LRP6: variants seen among roughly 807,000 people sequenced by gnomAD.
LRP6 encodes LDL receptor related protein 6.
LRP6 carries 43 observed loss-of-function variants against 184.1 expected under a neutral mutation model. The ratio of observed to expected loss-of-function variants is 0.23; its 90% confidence interval spans 0.18 to 0.30. The LOEUF (loss-of-function observed/expected upper bound fraction) is 0.30. Ranked by LOEUF, LRP6 falls within the 10% of genes least tolerant of loss-of-function variation. The probability of loss-of-function intolerance (pLI) is 1.00; values close to 1 mark genes in which losing one functional copy is unlikely to be tolerated. For synonymous variants in LRP6, 719 were observed against 684.9 expected, an observed-to-expected ratio of 1.05 and a Z score of -0.78; for missense variants, 1,571 against 2,005.3, an observed-to-expected ratio of 0.78 and a Z score of 4.14.
chr12:12,132,160 C>A (rs934727229), intron 17 of LRP6, 103 bp from the exon 18 acceptor site: 2 of 765,174 alleles, frequency 2.6e-6, no homozygotes, highest in Non-Finnish European at 4.8e-6. Flanking sequence ...TTAACATACA[C>A]AAAATACTTT....
chr12:12,179,401 T>TATAGATATAGAC (rs1863284556), intron 7 of LRP6, among the ~76,000 whole-genome samples: 1 of 143,170 alleles, frequency 7.0e-6, no homozygotes, highest in African/African-American at 2.8e-5. Flanking sequence ...TAGATATAGA[T>TATAGATATAGAC]ATAGATATAG....
rs1318842435 is a variant in LRP6, at chr12:12,186,972, G to C, written c.795C>G (p.Ile265Met). ...GEGLREIHSD[I>M]FSPMDIHAFS... is the part of the protein sequence containing the mutation. ...AGGCATGTATATCCATGGGAGAGAA[G>C]ATGTCAGAATGGATTTCACGCAGAC... The change falls in exon 4 of 23, where the codon ATC becomes ATG. Residue 265 changes from isoleucine (I) to methionine (M), a missense_variant. Physicochemically the swap from Ile to Met is conservative, Grantham distance 10. This residue lies in a region of LRP6 where 640 missense variants were observed against 851.9 expected (regional missense o/e 0.75). Transcript: ENST00000261349. The C allele has an allele frequency of 6.2e-7, 1 of 1,614,150 alleles. No homozygotes were observed. Among genetic ancestry groups the C allele is most frequent in the South Asian group, 1.1e-5 (1 of 91,078 alleles).
chr12:12,186,047 C>T (rs558736776), intron 4 of LRP6, among the ~76,000 whole-genome samples: 1 of 151,996 alleles, frequency 6.6e-6, no homozygotes, highest in Non-Finnish European at 1.5e-5. Flanking sequence ...GGGGTTTCAC[C>T]ATGTTGGCCA....
At position 12,266,972 on chromosome 12, in the gene LRP6, C is replaced by T. The variant is rs1208058035; in HGVS notation, c.-237G>A. 10 of 539,040 alleles carry T rather than the reference C, an allele frequency of 1.9e-5. No individual in the cohort carries two copies. Among genetic ancestry groups the T allele is most frequent in the Non-Finnish European group, 2.9e-5 (9 of 309,418 alleles). 33.4% of individuals were successfully genotyped at this position (539,040 alleles called of 1,614,324 possible). ...AGCGTCTGCTTCCATCCCGCCGCCT[C>T]CTCCCCCGGCGCCCCGCTTCCCCCG... On this transcript the variant is annotated 5_prime_UTR_variant, in exon 1 of 23. Coordinates refer to ENST00000261349, the MANE Select transcript of LRP6 (RefSeq NM_002336.3).
intron 5 of LRP6, 114 bp from the exon 6 acceptor site, chr12:12,181,553 C>A: frequency 1.4e-6 from 1 of 711,612 alleles, no homozygotes; most frequent in Non-Finnish European, 2.5e-6. Flanking sequence ...TAAATTAACA[C>A]AAAAGGATGT....
chr12:12,232,479 G>C (rs1008405538), intron 2 of LRP6, among the ~76,000 whole-genome samples: 1 of 150,738 alleles, frequency 6.6e-6, no homozygotes, highest in Non-Finnish European at 1.5e-5. Context: ...ATGCCCCCAA[G>C]TCATTCAGAA....
intron 17 of LRP6, 26 bp downstream of exon 17, chr12:12,135,149 G>A: frequency 1.2e-6 from 2 of 1,613,450 alleles, no homozygotes; most frequent in Middle Eastern, 1.7e-4. Flanking sequence ...ATTTAGGGTT[G>A]CACAAGAAAA....
At position 12,184,111 on chromosome 12, in the gene LRP6, G is replaced by C. The variant is rs779023698; in HGVS notation, c.845C>G (p.Ala282Gly). The change falls in exon 5 of 23, where the codon GCC becomes GGC. Residue 282 changes from alanine to glycine, a missense_variant and splice_region_variant. Physicochemically the swap from Ala to Gly is moderately conservative, Grantham distance 60. Transcript: ENST00000261349. ...ATTGTCAATTCCACATGGATTTGTG[G>C]CTGTCAAATATAAATCACATTGATT... ...HAFSQQRQPN[A>G]TNPCGIDNGG... 1 of 1,612,710 alleles carries C rather than the reference G, an allele frequency of 6.2e-7. No individual in the cohort carries two copies. Among genetic ancestry groups the C allele is most frequent in the Admixed American group, 1.7e-5 (1 of 60,022 alleles).
At chr12:12,230,011 T>C (rs1241613686) in intron 2 of LRP6, among the ~76,000 whole-genome samples, 1 of 152,228 alleles carries the variant, frequency 6.6e-6, no homozygotes, top group Non-Finnish European at 1.5e-5. Flanking sequence ...CAGGCTGTTA[T>C]ATGCTGTTCA....
intron 2 of LRP6, among the ~76,000 whole-genome samples, chr12:12,224,290 A>G (rs1591963361): frequency 6.6e-6 from 1 of 152,180 alleles, no homozygotes; most frequent in East Asian, 1.9e-4. Context: ...CATCTTCTAC[A>G]TATATAACAT....
chr12:12,158,098 C>A (rs934338861), intron 12 of LRP6, among the ~76,000 whole-genome samples: 2 of 152,174 alleles, frequency 1.3e-5, no homozygotes, highest in African/African-American at 4.8e-5. Flanking sequence ...TCAACTGTTA[C>A]TTTATACTGG....
chr12:12,266,328 A>G (rs1865759238), intron 1 of LRP6, among the ~76,000 whole-genome samples: 1 of 152,208 alleles, frequency 6.6e-6, no homozygotes, highest in Admixed American at 6.5e-5. Flanking sequence ...TTAAAAGCCA[A>G]AATACGTACA....
chr12:12,138,471 T>C lies in LRP6; in HGVS notation c.3461A>G (p.Glu1154Gly). 6.2e-7 allele frequency: 1 copy of C among 1,614,174 alleles called. No homozygotes were observed. Among genetic ancestry groups the C allele is most frequent in the Non-Finnish European group, 8.5e-7 (1 of 1,180,020 alleles). The change falls in exon 16 of 23, where the codon GAA becomes GGA. Residue 1154 changes from glutamate (E) to glycine (G), a missense_variant. Physicochemically the swap from Glu to Gly is moderately conservative, Grantham distance 98. This residue lies in a region of LRP6 where 763 missense variants were observed against 859.5 expected (regional missense o/e 0.89). Transcript: ENST00000261349. ...TTTATCAATCCAATAGAGCCAGTTT[T>C]CAAACACAGTAAGTCCCACAGGCTG... ...ILQPVGLTVF[E>G]NWLYWIDKQQ...
At chr12:12,244,148 T>C (rs1591981421) in intron 2 of LRP6, 114 bp downstream of exon 2, 15 of 1,020,854 alleles carry the variant, frequency 1.5e-5, no homozygotes, top group Non-Finnish European at 2.1e-5. Flanking sequence ...GCCCAAAGAA[T>C]CTAAAATTCC....
At chr12:12,133,269 C>T (rs1949782369) in intron 17 of LRP6, among the ~76,000 whole-genome samples, 1 of 152,178 alleles carries the variant, frequency 6.6e-6, no homozygotes, top group African/African-American at 2.4e-5. Flanking sequence ...CTCCAAATCT[C>T]ATGTTGAAAT....
chr12:12,166,367 T>G (rs1862878109), intron 7 of LRP6, among the ~76,000 whole-genome samples: 1 of 152,170 alleles, frequency 6.6e-6, no homozygotes, highest in South Asian at 2.1e-4. Flanking sequence ...GTCATATACT[T>G]AACAGTGAAC....
At chr12:12,253,492 G>A (rs977980984) in intron 1 of LRP6, among the ~76,000 whole-genome samples, 6 of 151,554 alleles carry the variant, frequency 4.0e-5, no homozygotes, top group African/African-American at 1.5e-4. Flanking sequence ...TGTTACATAT[G>A]TATACATGTG....
chr12:12,180,992 TGTGAA>T (rs1565610678), intron 6 of LRP6, 46 bp downstream of exon 6: 1 of 1,601,372 alleles, frequency 6.2e-7, no homozygotes, highest in East Asian at 2.2e-5. Flanking sequence ...TTCAGGAACC[TGTGAA>T]AAACAGAAAC....
intron 2 of LRP6, among the ~76,000 whole-genome samples, chr12:12,232,929 ATTAT>A (rs1864830022): frequency 6.6e-6 from 1 of 152,226 alleles, no homozygotes; most frequent in Non-Finnish European, 1.5e-5. Flanking sequence ...AAAACCAAAT[ATTAT>A]AACAAAAGAT....
Sources: allele counts gnomAD v4.1 joint callset (sites outside exome capture counted in the v4.1 genomes callset), GRCh38; gene constraint gnomAD v4.1.1; regional missense constraint gnomAD v4.1.1; transcripts MANE v1.5; gene names NCBI Gene and HGNC (gene_info 2026-07-23, HGNC 2026-07-21).